Variants in RALGAPA2 observed in about 807,000 individuals in gnomAD.
RALGAPA2 encodes the protein Ral GTPase activating protein catalytic subunit alpha 2.
A neutral mutation model predicts 230.4 loss-of-function variants in RALGAPA2; 139 were observed. The observed-to-expected ratio is 0.60, with a 90% CI of 0.53 to 0.69. The LOEUF is 0.69. RALGAPA2 is among the 30% of genes least tolerant of loss of function. The pLI is 0.00. For synonymous variants in RALGAPA2, 847 were observed against 837.8 expected (o/e 1.01, Z -0.19); for missense variants, 2,163 against 2,276.0 (o/e 0.95, Z 1.01).
chr20:20,445,253 C>T (rs1256970799), intron 37 of RALGAPA2, among the ~76,000 whole-genome samples: 1 of 152,142 alleles, frequency 6.6e-6, no homozygotes, highest in African/African-American at 2.4e-5. Flanking sequence ...ACTTGAGATG[C>T]TCGAATGTAA....
intron 1 of RALGAPA2, among the ~76,000 whole-genome samples, chr20:20,705,493 G>A (rs1337138490): frequency 6.6e-6 from 1 of 151,950 alleles, no homozygotes; most frequent in African/African-American, 2.4e-5. Context: ...ATGAGCAATT[G>A]CACCCAGCTT....
chr20:20,650,158 C>T (rs192572178), intron 4 of RALGAPA2, among the ~76,000 whole-genome samples: 1,913 of 152,216 alleles, frequency 0.013, 28 homozygotes, highest in Non-Finnish European at 0.015. Flanking sequence ...GCAAAACTTA[C>T]GAGTTCAAAT....
chr20:20,562,166 C>G (rs2064274238), intron 23 of RALGAPA2, among the ~76,000 whole-genome samples: 1 of 152,038 alleles, frequency 6.6e-6, no homozygotes, highest in Non-Finnish European at 1.5e-5. Context: ...TTTGGAATAG[C>G]CAGTCTCAGA....
chr20:20,597,830 T>G (rs975680531), intron 16 of RALGAPA2, among the ~76,000 whole-genome samples: 1 of 151,822 alleles, frequency 6.6e-6, no homozygotes, highest in African/African-American at 2.4e-5. Flanking sequence ...CAGAGAGAGA[T>G]TCTGTCTCAA....
Position 20,589,357 on chromosome 20 carries a change from C to A in RALGAPA2, c.2350G>T (p.Ala784Ser). 1 of 1,583,026 alleles carries A rather than the reference C, an allele frequency of 6.3e-7. No individual in the cohort carries two copies. ...LCSDSSQGQK[A>S]ENTQNSSSSE... Reference sequence around the variant, plus strand: ...GAACTCGAATTCTGTGTGTTTTCTGCCTTTTGACCTAGAAATGGTGGGGCA... The same window carrying A: ...GAACTCGAATTCTGTGTGTTTTCTGACTTTTGACCTAGAAATGGTGGGGCA... The change falls in exon 18 of 40, where the codon GCA becomes TCA. Residue 784 changes from alanine to serine, a missense_variant. Transcript: ENST00000202677.
chr20:20,672,898 A>G (rs761198041), intron 3 of RALGAPA2, among the ~76,000 whole-genome samples: 22 of 152,282 alleles, frequency 1.4e-4, no homozygotes, highest in African/African-American at 5.3e-4. Context: ...ATCTTAAAAG[A>G]AGCAGCTGGG....
chr20:20,480,536 C>T (rs1387875552), intron 36 of RALGAPA2, among the ~76,000 whole-genome samples: 1 of 152,132 alleles, frequency 6.6e-6, no homozygotes, highest in Non-Finnish European at 1.5e-5. Context: ...TACTTAAGTA[C>T]TTCCTAGAAG....
Position 20,620,466 on chromosome 20 carries a change from C to A in RALGAPA2, c.1398G>T (p.Lys466Asn). Residue 466 changes from lysine to asparagine, a missense_variant, in exon 11 of 40, where the codon AAG becomes AAT. Lys to Asn is a moderately conservative substitution (Grantham distance 94, BLOSUM62 0). Transcript: ENST00000202677. Reference sequence around the variant, plus strand: ...AAAGACAAGTGAAAAAAATTACCTCCTTGCTATCAGTCTCGGAAAATCCTA... The same window carrying A: ...AAAGACAAGTGAAAAAAATTACCTCATTGCTATCAGTCTCGGAAAATCCTA... ...EKLGFSETDS[K>N]EASSESSGHK... 6.2e-7 allele frequency: 1 copy of A among 1,612,818 alleles called. No homozygotes were observed.
At chr20:20,646,636 T>A (rs1173814571) in intron 4 of RALGAPA2, among the ~76,000 whole-genome samples, 1 of 152,150 alleles carries the variant, frequency 6.6e-6, no homozygotes, top group Admixed American at 6.5e-5. Flanking sequence ...CTTACTACTT[T>A]TGAAGAGGCA....
In RALGAPA2 at chr20:20,390,537, A is replaced by G. The variant is rs571253373; in HGVS notation, c.*2752T>C. On this transcript the variant is annotated 3_prime_UTR_variant, in exon 40 of 40. Transcript: ENST00000202677. ...GCGAGTCTTACCACATTTTGGCCCA[A>G]TTAGGGCCACTTCTGTTTCCAGATG... 9 of 152,264 alleles carry G rather than the reference A, an allele frequency of 5.9e-5. No homozygotes were observed. Among genetic ancestry groups the G allele is most frequent in the African/African-American group, 1.9e-4 (8 of 41,542 alleles). 9.4% of individuals were successfully genotyped at this position (152,264 alleles called of 1,614,324 possible). A position where few individuals can be genotyped will look rare whatever the true frequency, so the allele number is the denominator to read the frequency against.
At chr20:20,697,594 G>C (rs962835678) in intron 1 of RALGAPA2, among the ~76,000 whole-genome samples, 1 of 152,160 alleles carries the variant, frequency 6.6e-6, no homozygotes, top group African/African-American at 2.4e-5. Context: ...TCTAGGAACA[G>C]GACAAGTGAT....
At chr20:20,548,633 T>A (rs977579110) in intron 23 of RALGAPA2, among the ~76,000 whole-genome samples, 1 of 152,212 alleles carries the variant, frequency 6.6e-6, no homozygotes, top group African/African-American at 2.4e-5. Flanking sequence ...TCACGTCCTT[T>A]GATACACTTT....
At chr20:20,559,216 A>G (rs2064179273) in intron 23 of RALGAPA2, among the ~76,000 whole-genome samples, 2 of 152,170 alleles carry the variant, frequency 1.3e-5, no homozygotes, top group African/African-American at 4.8e-5. Flanking sequence ...TGTTCTGCAA[A>G]AAAACAGAGG....
intron 16 of RALGAPA2, chr20:20,598,813 C>T (rs1469633979): frequency 4.4e-6 from 2 of 456,048 alleles, no homozygotes; most frequent in South Asian, 1.5e-5. Context: ...AGACTGGCTT[C>T]GCTTAGCTTC....
At chr20:20,438,338 A>C (rs138703249) in intron 37 of RALGAPA2, among the ~76,000 whole-genome samples, 2 of 152,200 alleles carry the variant, frequency 1.3e-5, no homozygotes, top group African/African-American at 4.8e-5. Flanking sequence ...AGGCATTCCT[A>C]TATTACTATA....
chr20:20,687,675 A>G (rs1451307337), intron 1 of RALGAPA2, among the ~76,000 whole-genome samples: 5 of 152,172 alleles, frequency 3.3e-5, no homozygotes, highest in African/African-American at 1.2e-4. Flanking sequence ...TGTTGCTGTA[A>G]AGCTCACGGA....
intron 35 of RALGAPA2, among the ~76,000 whole-genome samples, chr20:20,498,610 ACAGT>A (rs1419226314): frequency 2.0e-5 from 3 of 152,204 alleles, no homozygotes; most frequent in Non-Finnish European, 4.4e-5. Context: ...TTACTAAGTA[ACAGT>A]CAGGCCTGAC....
At chr20:20,530,856 A>G (rs1277343080) in intron 27 of RALGAPA2, among the ~76,000 whole-genome samples, 2 of 152,190 alleles carry the variant, frequency 1.3e-5, no homozygotes, top group Non-Finnish European at 2.9e-5. Context: ...AACTTCCACA[A>G]AACCCTCAGC....
At chr20:20,550,688 C>T (rs2063899428) in intron 23 of RALGAPA2, among the ~76,000 whole-genome samples, 1 of 152,140 alleles carries the variant, frequency 6.6e-6, no homozygotes, top group South Asian at 2.1e-4. Context: ...TGACTGTGGG[C>T]AGATCATGTC....
Sources: allele counts gnomAD v4.1 joint callset (sites outside exome capture counted in the v4.1 genomes callset), GRCh38; gene constraint gnomAD v4.1.1; transcripts MANE v1.5; gene names NCBI Gene and HGNC (gene_info 2026-07-23, HGNC 2026-07-21).